The following NPAS3 variants were observed in gnomAD, a reference collection of about 807,000 sequenced individuals.
NPAS3 encodes the protein neuronal PAS domain-containing protein 3.
Under a neutral mutation model 73.1 loss-of-function variants are expected in NPAS3, and 14 were observed. That is an observed-to-expected ratio of 0.19 (90% CI 0.13 to 0.30). The LOEUF is 0.30. Ranked by LOEUF, NPAS3 falls within the 10% of genes least tolerant of loss-of-function variation. NPAS3 has a pLI of 1.00. For synonymous variants in NPAS3, 620 were observed against 541.5 expected (o/e 1.14, Z -2.01); for missense variants, 1,096 against 1,250.0 (o/e 0.88, Z 1.86).
intron 5 of NPAS3, among the ~76,000 whole-genome samples, chr14:33,625,288 A>G (rs968538031): frequency 3.3e-5 from 5 of 152,260 alleles, no homozygotes; most frequent in Admixed American, 1.3e-4. Flanking sequence ...AATTCTGAGC[A>G]TAAAACCATA....
intron 3 of NPAS3, among the ~76,000 whole-genome samples, chr14:33,216,908 C>T (rs2047243591): frequency 6.6e-6 from 1 of 152,026 alleles, no homozygotes; most frequent in Admixed American, 6.5e-5. Context: ...TTTTACATCC[C>T]TTCTGCCCTT....
intron 5 of NPAS3, among the ~76,000 whole-genome samples, chr14:33,601,570 A>G (rs550069291): frequency 6.6e-6 from 1 of 152,306 alleles, no homozygotes; most frequent in South Asian, 2.1e-4. Flanking sequence ...GAGTGAGAAA[A>G]TTAAGACATC....
At chr14:33,358,916 A>G (rs1394019179) in intron 3 of NPAS3, among the ~76,000 whole-genome samples, 1 of 152,222 alleles carries the variant, frequency 6.6e-6, no homozygotes, top group Non-Finnish European at 1.5e-5. Flanking sequence ...ATGTAATTCC[A>G]TAGCTTGAGA....
intron 3 of NPAS3, among the ~76,000 whole-genome samples, chr14:33,275,314 A>G (rs1447915094): frequency 2.0e-5 from 3 of 152,204 alleles, no homozygotes; most frequent in Admixed American, 1.3e-4. Flanking sequence ...AACAGTGCTA[A>G]AAGAGCAAGA....
intron 7 of NPAS3, among the ~76,000 whole-genome samples, chr14:33,773,306 G>A (rs1481326830): frequency 6.6e-6 from 1 of 152,154 alleles, no homozygotes; most frequent in Non-Finnish European, 1.5e-5. Flanking sequence ...GAGCTCCATG[G>A]TACTGTGAAT....
intron 7 of NPAS3, among the ~76,000 whole-genome samples, chr14:33,745,857 T>G (rs2061774812): frequency 6.6e-6 from 1 of 152,200 alleles, no homozygotes; most frequent in Non-Finnish European, 1.5e-5. Flanking sequence ...ATCTGTTCCT[T>G]TAACAAAAGA....
At chr14:33,649,645 G>A (rs2058934597) in intron 5 of NPAS3, among the ~76,000 whole-genome samples, 1 of 152,118 alleles carries the variant, frequency 6.6e-6, no homozygotes, top group Non-Finnish European at 1.5e-5. Flanking sequence ...TTCATGAGGT[G>A]GAAGAAGTGA....
chr14:33,049,535 A>G (rs978363358), intron 1 of NPAS3, among the ~76,000 whole-genome samples: 3 of 152,170 alleles, frequency 2.0e-5, no homozygotes, highest in Non-Finnish European at 4.4e-5. Context: ...AGAAATTCCC[A>G]TTTTAAAACC....
At chr14:33,772,600 C>T (rs1709929375) in intron 7 of NPAS3, among the ~76,000 whole-genome samples, 1 of 152,168 alleles carries the variant, frequency 6.6e-6, no homozygotes, top group Non-Finnish European at 1.5e-5. Context: ...CTGAGTGTTC[C>T]TGATAAAACA....
chr14:33,273,235 CTT>C (rs1366712571), intron 3 of NPAS3, among the ~76,000 whole-genome samples: 6 of 152,200 alleles, frequency 3.9e-5, no homozygotes, highest in African/African-American at 1.2e-4. Context: ...AATCTCCTCT[CTT>C]TTAAATCTCT....
At chr14:33,626,168 GAC>G (rs1395927504) in intron 5 of NPAS3, among the ~76,000 whole-genome samples, 1 of 152,184 alleles carries the variant, frequency 6.6e-6, no homozygotes, top group Non-Finnish European at 1.5e-5. Context: ...TGCTGAGAGA[GAC>G]AAAGGGAGAG....
At chr14:33,056,969 T>G (rs1025142998) in intron 2 of NPAS3, among the ~76,000 whole-genome samples, 1 of 152,216 alleles carries the variant, frequency 6.6e-6, no homozygotes, top group African/African-American at 2.4e-5. Context: ...CAATACCATT[T>G]TTTTCCTTAA....
intron 5 of NPAS3, 82 bp from the exon 6 acceptor site, chr14:33,676,129 G>C (rs2059757259): frequency 7.2e-7 from 1 of 1,390,974 alleles, no homozygotes; most frequent in Admixed American, 2.0e-5. Context: ...TTTCTACTCA[G>C]AATCTGAATC....
At chr14:33,008,508 C>T (rs2039078255) in intron 1 of NPAS3, among the ~76,000 whole-genome samples, 1 of 151,974 alleles carries the variant, frequency 6.6e-6, no homozygotes, top group African/African-American at 2.4e-5. Flanking sequence ...AGTCAAAGGT[C>T]AAAGAGAATG....
chr14:33,003,532 C>T (rs1566454207), intron 1 of NPAS3, among the ~76,000 whole-genome samples: 1 of 152,120 alleles, frequency 6.6e-6, no homozygotes, highest in Non-Finnish European at 1.5e-5. Flanking sequence ...AGATTTTTTT[C>T]TGTGTCCATG....
chr14:33,358,615 G>A (rs1049180431), intron 3 of NPAS3, among the ~76,000 whole-genome samples: 10 of 152,146 alleles, frequency 6.6e-5, no homozygotes, highest in Admixed American at 2.0e-4. Context: ...CCTCCATCCT[G>A]AGTTGAGAGT....
At chr14:32,935,670 G>C (rs1275474823), upstream of NPAS3, among the ~76,000 whole-genome samples, 1 of 152,156 alleles carries the variant, frequency 6.6e-6, no homozygotes, top group Non-Finnish European at 1.5e-5. Flanking sequence ...AGTATTATTT[G>C]TAGTTCTCTT....
At position 33,260,214 on chromosome 14, in the gene NPAS3, G is replaced by A. The variant is rs115344635; in HGVS notation, c.385+44788G>A. The stretch of plus-strand genomic sequence containing the variant: ...TGAGATGAGATTCTTAGATCCTTAT[G>A]TTTGTACCTTGATAGAGTAAACTTA... On this transcript the variant is annotated intron_variant, in intron 3 of 11. Transcript: ENST00000356141. Among the ~76,000 whole-genome samples the A allele has an allele frequency of 5.2e-3, 790 of 152,214 alleles. 6 individuals carry two copies. Among genetic ancestry groups the A allele is most frequent in the African/African-American group, 0.018 (750 of 41,520 alleles).
intron 4 of NPAS3, among the ~76,000 whole-genome samples, chr14:33,543,989 A>ATATATC (rs2054653410): frequency 7.2e-4 from 27 of 37,306 alleles, no homozygotes; most frequent in Non-Finnish European, 1.1e-3. Flanking sequence ...ATATATATAT[A>ATATATC]TATATATATA....
Sources: gnomAD v4.1 joint callset for allele counts (sites outside exome capture counted in the v4.1 genomes callset) on GRCh38, gnomAD v4.1.1 for gene constraint, MANE v1.5 for transcripts, NCBI Gene and HGNC (gene_info 2026-07-23, HGNC 2026-07-21) for gene names.